PDIA5: variants seen among roughly 807,000 people sequenced by gnomAD.
PDIA5 encodes the protein protein disulfide isomerase family A member 5.
A neutral mutation model predicts 77.6 loss-of-function variants in PDIA5; 58 were observed. That is an observed-to-expected ratio of 0.75 (90% confidence interval 0.61 to 0.93). The LOEUF (loss-of-function observed/expected upper bound fraction) is 0.93. Ranked by LOEUF, PDIA5 falls within the 40% of genes least tolerant of loss-of-function variation. The pLI, the probability that PDIA5 is intolerant of heterozygous loss-of-function variation, is 0.00. For missense variants in PDIA5, 630 were observed against 647.7 expected, an observed-to-expected ratio of 0.97 and a Z score of 0.30; for synonymous variants, 250 against 252.1, an observed-to-expected ratio of 0.99 and a Z score of 0.08.
intron 1 of PDIA5, among the ~76,000 whole-genome samples, chr3:123,086,291 C>T (rs765140206): frequency 2.0e-5 from 3 of 152,116 alleles, no homozygotes; most frequent in African/African-American, 2.4e-5. Flanking sequence ...ATCAATCCCA[C>T]GAGGGAAGTA....
intron 2 of PDIA5, among the ~76,000 whole-genome samples, chr3:123,091,217 T>G (rs116551213): frequency 2.4e-3 from 364 of 152,268 alleles, no homozygotes; most frequent in African/African-American, 8.2e-3. Context: ...TCTTGAGCGA[T>G]ACTTTTGTTT....
intron 15 of PDIA5, 47 bp downstream of exon 15, chr3:123,155,088 T>C: frequency 7.9e-7 from 1 of 1,263,224 alleles, no homozygotes. Context: ...AGCTAATTCC[T>C]ACACCTTCCT....
At chr3:123,126,126 A>G (rs836856) in intron 10 of PDIA5, among the ~76,000 whole-genome samples, 107,553 of 152,054 alleles carry the variant, frequency 0.71, 39,034 homozygotes, top group Non-Finnish European at 0.8. Context: ...ATTCAGAATT[A>G]CCTGCTAACC....
chr3:123,075,954 G>T (rs1933846458), intron 1 of PDIA5, among the ~76,000 whole-genome samples: 1 of 152,180 alleles, frequency 6.6e-6, no homozygotes, highest in Admixed American at 6.5e-5. Context: ...GCTCACATTG[G>T]AGCTGTGTCA....
chr3:123,108,854 C>A (rs1399192119), intron 6 of PDIA5, among the ~76,000 whole-genome samples: 1 of 151,842 alleles, frequency 6.6e-6, no homozygotes, highest in African/African-American at 2.4e-5. Flanking sequence ...CCATTGCACT[C>A]CAGCCTGGGT....
chr3:123,116,173 G>C, intron 7 of PDIA5, 58 bp from the exon 8 acceptor site: 5 of 1,422,736 alleles, frequency 3.5e-6, no homozygotes, highest in Non-Finnish European at 5.0e-6. Context: ...GCAGGGCAGG[G>C]TGCAAGGGCT....
chr3:123,074,916 A>G (rs922220088), intron 1 of PDIA5, among the ~76,000 whole-genome samples: 13 of 152,230 alleles, frequency 8.5e-5, no homozygotes, highest in African/African-American at 2.9e-4. Flanking sequence ...GGAGTATTGT[A>G]TAAGAAACCA....
At chr3:123,094,656 G>C (rs1014736262) in intron 3 of PDIA5, among the ~76,000 whole-genome samples, 2 of 152,254 alleles carry the variant, frequency 1.3e-5, no homozygotes, top group African/African-American at 4.8e-5. Flanking sequence ...CCCAGGGATG[G>C]GCAGAAGTGG....
intron 15 of PDIA5, among the ~76,000 whole-genome samples, chr3:123,157,257 C>T (rs941515452): frequency 1.3e-5 from 2 of 152,216 alleles, no homozygotes; most frequent in African/African-American, 4.8e-5. Flanking sequence ...GCCATCTGGC[C>T]TGGGGGGCTG....
chr3:123,152,468 G>A (rs1282300970), intron 14 of PDIA5, among the ~76,000 whole-genome samples: 1 of 152,092 alleles, frequency 6.6e-6, no homozygotes, highest in African/African-American at 2.4e-5. Context: ...GTTACAGGGG[G>A]AAGACTTTCC....
intron 8 of PDIA5, 35 bp downstream of exon 8, chr3:123,116,333 C>A: frequency 6.4e-6 from 10 of 1,551,938 alleles, no homozygotes; most frequent in South Asian, 2.2e-5. Context: ...AGGGCTGGGT[C>A]ACTCTTGGAC....
chr3:123,099,020 TCTGCA>T (rs1307172142), intron 3 of PDIA5, among the ~76,000 whole-genome samples: 3 of 152,236 alleles, frequency 2.0e-5, no homozygotes, highest in African/African-American at 7.2e-5. Context: ...ATATTCATTG[TCTGCA>T]CTGCACAATT....
chr3:123,084,492 G>C (rs1007243660), intron 1 of PDIA5, among the ~76,000 whole-genome samples: 1 of 151,898 alleles, frequency 6.6e-6, no homozygotes, highest in Non-Finnish European at 1.5e-5. Context: ...CCTCACTGAG[G>C]GTGTTTCCTG....
At chr3:123,067,295 G>C (rs1252399784) in intron 1 of PDIA5, 89 bp downstream of exon 1, 7 of 1,114,450 alleles carry the variant, frequency 6.3e-6, no homozygotes, top group Non-Finnish European at 8.0e-6. Flanking sequence ...TCTGCGGAAC[G>C]TGCGGGGAGC....
At chr3:123,076,094 C>T (rs780407411) in intron 1 of PDIA5, among the ~76,000 whole-genome samples, 5 of 152,022 alleles carry the variant, frequency 3.3e-5, no homozygotes, top group African/African-American at 7.2e-5. Flanking sequence ...CAGCAGGTCA[C>T]GCTCAATAGC....
intron 8 of PDIA5, among the ~76,000 whole-genome samples, 193 bp from the exon 9 acceptor site, chr3:123,123,873 C>T (rs1279047383): frequency 1.3e-5 from 2 of 152,218 alleles, no homozygotes; most frequent in Non-Finnish European, 2.9e-5. Context: ...AGCTGCCTGA[C>T]TTCTCCAGCG....
intron 12 of PDIA5, 99 bp from the exon 13 acceptor site, chr3:123,146,000 A>G: frequency 9.0e-7 from 1 of 1,108,936 alleles, no homozygotes; most frequent in Non-Finnish European, 1.3e-6. Context: ...AAATTCCAGC[A>G]GGTCCAGGAT....
intron 5 of PDIA5, among the ~76,000 whole-genome samples, chr3:123,104,144 G>T (rs1377571367): frequency 1.3e-5 from 2 of 152,232 alleles, no homozygotes; most frequent in African/African-American, 4.8e-5. Flanking sequence ...GACCAGACGT[G>T]TGAGGTCAGC....
Position 123,126,377 on chromosome 3 carries a change from G to A in PDIA5, c.773+2034G>A, listed in dbSNP as rs576843927. Among the ~76,000 whole-genome samples, 5 of 152,150 alleles carry A rather than the reference G, an allele frequency of 3.3e-5. No individual in the cohort carries two copies. In the East Asian group the frequency reaches 7.7e-4, roughly 24 times the overall value. ...TGGGAGAGAAGGAGCTCTTGTTAAC[G>A]GCCTTATCCTCTGCAAGAGCTAGTA... On this transcript the variant is annotated intron_variant, in intron 10 of 16. Coordinates refer to ENST00000316218, the MANE Select transcript of PDIA5 (RefSeq NM_006810.4).
Sources: gnomAD v4.1 joint callset for allele counts (sites outside exome capture counted in the v4.1 genomes callset) on GRCh38, gnomAD v4.1.1 for gene constraint, MANE v1.5 for transcripts, NCBI Gene and HGNC (gene_info 2026-07-23, HGNC 2026-07-21) for gene names.